Variants in SV2C observed in about 807,000 individuals in gnomAD.
SV2C encodes synaptic vesicle glycoprotein 2C.
A neutral mutation model predicts 79.7 loss-of-function variants in SV2C; 49 were observed. The ratio of observed to expected loss-of-function variants is 0.61; its 90% CI spans 0.49 to 0.78. SV2C has a LOEUF of 0.78. Among genes scored for constraint, SV2C ranks in the 30% least tolerant of loss-of-function variants. SV2C has a pLI of 0.00. For synonymous variants in SV2C, 334 were observed against 333.2 expected (o/e 1.00, Z -0.03); for missense variants, 833 against 912.9 (o/e 0.91, Z 1.13).
At chr5:75,977,696 T>G in the SV2C span, among the ~76,000 whole-genome samples, 1 of 152,138 alleles carries the variant, frequency 6.6e-6, no homozygotes, top group Non-Finnish European at 1.5e-5. Flanking sequence ...TCCATATACT[T>G]CCGGCAGTGC....
the SV2C span, among the ~76,000 whole-genome samples, chr5:75,855,250 C>T: frequency 6.6e-6 from 1 of 151,722 alleles, no homozygotes; most frequent in Admixed American, 6.6e-5. Flanking sequence ...TCCCTAAACA[C>T]TTAATGATTT....
chr5:75,971,156 G>C, the SV2C span, among the ~76,000 whole-genome samples: 918 of 152,144 alleles, frequency 6.0e-3, 15 homozygotes, highest in African/African-American at 0.021. Context: ...AATAAATTAG[G>C]TATTGATGGG....
At chr5:76,291,690 A>G (rs1747570781) in intron 7 of SV2C, 78 bp from the exon 8 acceptor site, 8 of 962,138 alleles carry the variant, frequency 8.3e-6, no homozygotes, top group Admixed American at 2.5e-5. Context: ...AGCATTTTTT[A>G]TAATTTGGTG....
intron 1 of SV2C, among the ~76,000 whole-genome samples, chr5:76,127,285 G>A (rs1184131237): frequency 1.3e-5 from 2 of 152,184 alleles, no homozygotes; most frequent in Non-Finnish European, 2.9e-5. Context: ...ATAGTATGTA[G>A]TGGTATTGGA....
At chr5:76,035,671 TG>T in the SV2C span, among the ~76,000 whole-genome samples, 1 of 152,198 alleles carries the variant, frequency 6.6e-6, no homozygotes, top group Non-Finnish European at 1.5e-5. Context: ...TCCAAGTATG[TG>T]GTCAATTTTG....
chr5:75,946,568 C>T, the SV2C span, among the ~76,000 whole-genome samples: 2 of 151,984 alleles, frequency 1.3e-5, no homozygotes, highest in African/African-American at 4.8e-5. Context: ...CTTTGCATTA[C>T]CGTATGAATA....
Position 76,328,406 on chromosome 5 carries a change from A to G in SV2C, c.*2859A>G, listed in dbSNP as rs1749071234. 6.6e-6 allele frequency: 1 copy of G among 152,168 alleles called. No individual in the cohort carries two copies. Among genetic ancestry groups the G allele is most frequent in the Non-Finnish European group, 1.5e-5 (1 of 68,036 alleles). 9.4% of individuals were successfully genotyped at this position (152,168 alleles called of 1,614,324 possible). ...CTCCCAAGTCCCATTATTATCACAG[A>G]ATCTTCTCAGTAGGGAAAAACAAAC... On this transcript the variant is annotated 3_prime_UTR_variant, in exon 13 of 13. Transcript: ENST00000502798.
intron 1 of SV2C, among the ~76,000 whole-genome samples, chr5:76,128,410 GA>G (rs35371216): frequency 2.6e-5 from 4 of 152,072 alleles, no homozygotes; most frequent in African/African-American, 9.7e-5. Context: ...TTTAGTGTAG[GA>G]AAAAAAGTTA....
the SV2C span, among the ~76,000 whole-genome samples, chr5:75,897,821 T>C: frequency 1.3e-5 from 2 of 152,044 alleles, no homozygotes; most frequent in Non-Finnish European, 2.9e-5. Flanking sequence ...TTTTATTCTC[T>C]TTGAAGCAAT....
chr5:75,854,304 G>A, the SV2C span, among the ~76,000 whole-genome samples: 1 of 152,044 alleles, frequency 6.6e-6, no homozygotes, highest in Non-Finnish European at 1.5e-5. Context: ...GTTTCATCTT[G>A]TGGATGAAGC....
chr5:76,274,863 C>T (rs182907162), intron 4 of SV2C, among the ~76,000 whole-genome samples: 1 of 152,156 alleles, frequency 6.6e-6, no homozygotes, highest in East Asian at 1.9e-4. Flanking sequence ...ATATTTTAAA[C>T]CTGTGACATG....
At chr5:76,068,677 T>C in the SV2C span, among the ~76,000 whole-genome samples, 6 of 152,212 alleles carry the variant, frequency 3.9e-5, no homozygotes, top group African/African-American at 1.4e-4. Flanking sequence ...TTCTTATTTA[T>C]TTATAACTTA....
intron 2 of SV2C, among the ~76,000 whole-genome samples, chr5:76,138,435 A>C (rs1197548895): frequency 6.6e-6 from 1 of 152,210 alleles, no homozygotes; most frequent in Non-Finnish European, 1.5e-5. Flanking sequence ...TTTGCTTGTG[A>C]AGTCCAACAG....
the SV2C span, among the ~76,000 whole-genome samples, chr5:75,919,283 C>T: frequency 2.0e-5 from 3 of 152,154 alleles, no homozygotes; most frequent in African/African-American, 4.8e-5. Flanking sequence ...GGTTGGTCAC[C>T]GGGCCCTCCC....
In SV2C at chr5:76,228,674, T is replaced by C. The variant is rs530804642; in HGVS notation, c.913+18787T>C. ...CTCACTCACCCCTTGAATAAAAACTTTGGTGTCAGTAGCATCCTGTACTAA... is the reference window on the plus strand; with the variant it reads ...CTCACTCACCCCTTGAATAAAAACTCTGGTGTCAGTAGCATCCTGTACTAA... On this transcript the variant is annotated intron_variant, in intron 4 of 12. Transcript: ENST00000502798. Among the ~76,000 whole-genome samples, 16 of 152,250 alleles carry C rather than the reference T, an allele frequency of 1.1e-4. No homozygotes were observed. The East Asian group carries it at 2.3e-3, about 22-fold the overall frequency.
At chr5:76,017,396 C>T in the SV2C span, among the ~76,000 whole-genome samples, 120 of 152,230 alleles carry the variant, frequency 7.9e-4, no homozygotes, top group African/African-American at 2.7e-3. Context: ...AAGCGATTCT[C>T]ATACCTCAGC....
chr5:76,330,147 G>A lies in SV2C; in HGVS notation c.*4600G>A, dbSNP rs528175004. The A allele has an allele frequency of 7.3e-5, 11 of 151,532 alleles. No homozygotes were observed. The East Asian group carries it at 1.4e-3, about 19-fold the overall frequency. The allele number at this position is 151,532 out of a possible 1,614,324, so 9.4% of individuals were successfully genotyped here. On this transcript the variant is annotated 3_prime_UTR_variant, in exon 13 of 13. Coordinates refer to ENST00000502798, the MANE Select transcript of SV2C (RefSeq NM_014979.4). The stretch of plus-strand genomic sequence containing the variant: ...TTCAGGTATGGCGTAACAGTTCTCC[G>A]TGTGATGTTCTTTTGCTCTAAATGT...
chr5:76,315,060 C>T (rs1748572902), intron 12 of SV2C, among the ~76,000 whole-genome samples: 1 of 152,072 alleles, frequency 6.6e-6, no homozygotes, highest in Admixed American at 6.5e-5. Flanking sequence ...TAAAGGGCTA[C>T]TTGGGATCCA....
chr5:76,028,426 T>C, the SV2C span, among the ~76,000 whole-genome samples: 3 of 152,214 alleles, frequency 2.0e-5, no homozygotes, highest in Non-Finnish European at 2.9e-5. Context: ...AACAAATATA[T>C]AGATAGAGTA....
Sources: allele counts gnomAD v4.1 joint callset (sites outside exome capture counted in the v4.1 genomes callset), GRCh38; gene constraint gnomAD v4.1.1; transcripts MANE v1.5; gene names NCBI Gene and HGNC (gene_info 2026-07-23, HGNC 2026-07-21).